PEX16: variants seen among roughly 807,000 people sequenced by gnomAD.
PEX16 encodes peroxin 16.
Under a neutral mutation model 50.5 loss-of-function variants are expected in PEX16, and 37 were observed. That is an observed-to-expected ratio of 0.73 (90% confidence interval 0.56 to 0.96). PEX16 has a LOEUF of 0.96. Ranked by LOEUF, PEX16 falls within the 40% of genes least tolerant of loss-of-function variation. The pLI is 0.00. For synonymous variants in PEX16, 185 were observed against 190.3 expected (o/e 0.97, Z 0.23); for missense variants, 401 against 438.3 (o/e 0.91, Z 0.76).
Position 45,917,693 on chromosome 11 carries a change from G to C in PEX16, c.112+7C>G. On this transcript the variant is annotated splice_region_variant and intron_variant, in intron 1 of 10. Coordinates refer to ENST00000378750, the MANE Select transcript of PEX16 (RefSeq NM_004813.4). Reference sequence around the variant, plus strand: ...CAGAAGGAACTGATCAAAGGTCAGGGTGGCACCTGCCAGCAGGTAACTGAA... The same window carrying C: ...CAGAAGGAACTGATCAAAGGTCAGGCTGGCACCTGCCAGCAGGTAACTGAA... The C allele has an allele frequency of 6.4e-7, 1 of 1,551,518 alleles. No individual in the cohort carries two copies. Among genetic ancestry groups the C allele is most frequent in the Non-Finnish European group, 8.7e-7 (1 of 1,145,740 alleles).
intron 3 of PEX16, 38 bp from the exon 4 acceptor site, chr11:45,915,874 G>A: frequency 6.2e-7 from 1 of 1,606,908 alleles, no homozygotes; most frequent in Non-Finnish European, 8.5e-7. Context: ...GGGGGCCTGG[G>A]ACTACAGGGA....
chr11:45,914,581 G>A, intron 6 of PEX16, 23 bp downstream of exon 6: 1 of 1,613,648 alleles, frequency 6.2e-7, no homozygotes, highest in Non-Finnish European at 8.5e-7. Flanking sequence ...TAGGTGCCCA[G>A]GCCAGCCACA....
chr11:45,914,764 G>A, intron 5 of PEX16, 80 bp from the exon 6 acceptor site: 2 of 1,168,138 alleles, frequency 1.7e-6, no homozygotes, highest in Non-Finnish European at 2.6e-6. Flanking sequence ...TGCAGTGAAT[G>A]CTCAGGAGCT....
At chr11:45,914,047 G>C (rs1349546069) in intron 8 of PEX16, 84 bp downstream of exon 8, 1 of 1,568,566 alleles carries the variant, frequency 6.4e-7, no homozygotes, top group Non-Finnish European at 8.7e-7. Context: ...AGGAGCAGGG[G>C]CCGCTGCCAC....
At chr11:45,917,412 G>T in intron 2 of PEX16, 46 bp downstream of exon 2, 2 of 1,594,928 alleles carry the variant, frequency 1.3e-6, no homozygotes, top group African/African-American at 1.3e-5. Flanking sequence ...CTCACCAGGG[G>T]CCAGGCAGCC....
chr11:45,912,566 C>T (rs11038709), intron 9 of PEX16, among the ~76,000 whole-genome samples: 82,946 of 151,960 alleles, frequency 0.55, 26,176 homozygotes, highest in Non-Finnish European at 0.71. Flanking sequence ...TGCAGTCGCG[C>T]GATCTCGACT....
upstream of PEX16, chr11:45,918,280 T>C (rs1392400798): frequency 4.2e-5 from 10 of 236,994 alleles, no homozygotes; most frequent in South Asian, 4.8e-5. Flanking sequence ...GGCTGAGAGA[T>C]AGCGGGTGCT....
rs2086758878 is a variant in PEX16, at chr11:45,910,049, A to G, written c.*205T>C. 1.3e-6 allele frequency: 2 copies of G among 1,552,498 alleles called. No individual in the cohort carries two copies. Among genetic ancestry groups the G allele is most frequent in the Non-Finnish European group, 1.8e-6 (2 of 1,127,854 alleles). On this transcript the variant is annotated 3_prime_UTR_variant, in exon 11 of 11. Transcript: ENST00000378750. ...GAAGGCTTCTTGGCCCAGCAGTGAC[A>G]AGGTGCGGGCTGCAGTGGCATCGTC...
chr11:45,914,571 T>G, intron 6 of PEX16, 33 bp downstream of exon 6: 1 of 1,613,056 alleles, frequency 6.2e-7, no homozygotes, highest in Non-Finnish European at 8.5e-7. Flanking sequence ...AGACAGCACC[T>G]AGGTGCCCAG....
chr11:45,913,421 C>G (rs2086797770), intron 9 of PEX16, among the ~76,000 whole-genome samples: 1 of 152,200 alleles, frequency 6.6e-6, no homozygotes, highest in Admixed American at 6.5e-5. Flanking sequence ...CACTGGCTAG[C>G]TGGGTGTCTT....
At chr11:45,911,746 G>A (rs955777116) in intron 9 of PEX16, among the ~76,000 whole-genome samples, 1 of 152,228 alleles carries the variant, frequency 6.6e-6, no homozygotes, top group Non-Finnish European at 1.5e-5. Context: ...CCTGGGGGCC[G>A]GGTGTGGTGG....
intron 3 of PEX16, 92 bp downstream of exon 3, chr11:45,916,135 C>T (rs1590797036): frequency 1.1e-6 from 1 of 945,922 alleles, no homozygotes; most frequent in East Asian, 2.4e-5. Context: ...GTCTCATACT[C>T]CATGAGACAT....
chr11:45,914,517 G>T (rs985796980), intron 6 of PEX16, 49 bp from the exon 7 acceptor site: 1 of 1,611,114 alleles, frequency 6.2e-7, no homozygotes, highest in African/African-American at 1.3e-5. Flanking sequence ...GGCTGGGGCA[G>T]GGGAAGGTGG....
upstream of PEX16, chr11:45,917,953 G>C (rs1307768000): frequency 7.0e-6 from 5 of 714,652 alleles, no homozygotes; most frequent in East Asian, 5.4e-5. Flanking sequence ...CTGAGGACTT[G>C]AAGAACCGGT....
chr11:45,918,383 C>G (rs867813), upstream of PEX16: 16,655 of 181,254 alleles, frequency 0.092, 2,402 homozygotes, highest in East Asian at 0.57. Flanking sequence ...GGCCAGTATC[C>G]CCATCTCCGT....
chr11:45,913,614 T>G (rs1413823483), intron 9 of PEX16, among the ~76,000 whole-genome samples: 1 of 152,206 alleles, frequency 6.6e-6, no homozygotes, highest in Non-Finnish European at 1.5e-5. Context: ...CCAACCAATG[T>G]TTAAGTTCCT....
chr11:45,914,803 G>A (rs923969243), intron 5 of PEX16, 119 bp from the exon 6 acceptor site: 12 of 868,828 alleles, frequency 1.4e-5, no homozygotes, highest in Non-Finnish European at 2.3e-5. Flanking sequence ...CTTGTACTAT[G>A]GCAACAGCTG....
chr11:45,914,193 C>G lies in PEX16; in HGVS notation c.705G>C (p.Leu235=). ...IARPLLHLLS[L]GLWGQRSWKP... ...TCCACGACCTCTGACCCCACAGGCC[C>G]AGGCTGAGCACTGACGGCCAAGGCG... Residue 235 remains leucine (L), a synonymous_variant, in exon 8 of 11, where the codon CTG becomes CTC. Coordinates refer to ENST00000378750, the MANE Select transcript of PEX16 (RefSeq NM_004813.4). 3 of 1,613,124 alleles carry G rather than the reference C, an allele frequency of 1.9e-6. No homozygotes were observed. The highest frequency in any genetic ancestry group is 2.5e-6 in the Non-Finnish European group (3 of 1,179,670).
At chr11:45,913,170 C>T (rs559357801) in intron 9 of PEX16, among the ~76,000 whole-genome samples, 8 of 152,064 alleles carry the variant, frequency 5.3e-5, no homozygotes, top group Admixed American at 2.0e-4. Context: ...AAGGGGGTCC[C>T]GGGAGCCTTG....
Sources: allele counts gnomAD v4.1 joint callset (sites outside exome capture counted in the v4.1 genomes callset), GRCh38; gene constraint gnomAD v4.1.1; transcripts MANE v1.5; gene names NCBI Gene and HGNC (gene_info 2026-07-23, HGNC 2026-07-21).